Variants in CFAP46 observed in about 807,000 individuals in gnomAD.
CFAP46 encodes cilia- and flagella-associated protein 46.
Under a neutral mutation model 325.7 loss-of-function variants are expected in CFAP46, and 245 were observed. The ratio of observed to expected loss-of-function variants is 0.75; its 90% CI spans 0.68 to 0.84. CFAP46 has a LOEUF of 0.84. Among genes scored for constraint, CFAP46 ranks in the 40% least tolerant of loss-of-function variants. CFAP46 has a pLI of 0.00. For missense variants in CFAP46, 3,346 were observed against 3,543.0 expected (o/e 0.94, Z 1.41); for synonymous variants, 1,523 against 1,495.9 (o/e 1.02, Z -0.42).
rs1207667447 is a variant in CFAP46, at chr10:132,889,885, A to C, written c.3304+2448T>G. Among the ~76,000 whole-genome samples, 1 of 152,212 alleles carries C rather than the reference A, an allele frequency of 6.6e-6. No individual in the cohort carries two copies. Among genetic ancestry groups the C allele is most frequent in the African/African-American group, 2.4e-5 (1 of 41,456 alleles). On this transcript the variant is annotated intron_variant, in intron 25 of 57. Transcript: ENST00000368586. The surrounding 1 kb of genome is among the most constrained non-coding windows in gnomAD (Gnocchi z 6.0). Reference sequence around the variant, plus strand: ...AAAGTATTGATGCGGCCTGGACGCTAAGCATTTAGCTGCCAGACGTGGTGT... The same window carrying C: ...AAAGTATTGATGCGGCCTGGACGCTCAGCATTTAGCTGCCAGACGTGGTGT...
Position 132,860,766 on chromosome 10 carries a change from T to C in CFAP46, c.5091+16A>G, listed in dbSNP as rs1848710265. 1 of 1,549,516 alleles carries C rather than the reference T, an allele frequency of 6.5e-7. No individual in the cohort carries two copies. The highest frequency in any genetic ancestry group is 8.7e-7 in the Non-Finnish European group (1 of 1,146,452). On this transcript the variant is annotated intron_variant, in intron 36 of 57. Coordinates refer to ENST00000368586, the MANE Select transcript of CFAP46 (RefSeq NM_001200049.3). ...CCGGCACCCGACATGCAGCCCCAGG[T>C]CCCCGTGCCTCTTACCGTAGCTTCC...
chr10:132,917,475 G>C (rs982079353), intron 16 of CFAP46, among the ~76,000 whole-genome samples: 1 of 152,230 alleles, frequency 6.6e-6, no homozygotes, highest in African/African-American at 2.4e-5. Flanking sequence ...CTGAGCCTGC[G>C]TGGGAGGAAC....
chr10:132,909,942 GC>G lies in CFAP46; in HGVS notation c.2625del (p.Pro876HisfsTer17). ...ACCTGCTCCTCGGTGCCCAGCCGTG[GC>G]CCAATCTGCTGCTGCAGCAGCTGCT... Reference protein sequence around the residue: ...KAKQLLQQQIGPRLGTEEQGT... With the variant: ...KAKQLLQQQIXPRLGTEEQGT... On this transcript the variant is annotated frameshift_variant, in exon 20 of 58. Transcript: ENST00000368586. LOFTEE classifies it high-confidence loss of function. 1 of 1,517,340 alleles carries G rather than the reference GC, an allele frequency of 6.6e-7. No individual in the cohort carries two copies. The highest frequency in any genetic ancestry group is 8.8e-7 in the Non-Finnish European group (1 of 1,133,804). 94.0% of individuals were successfully genotyped at this position (1,517,340 alleles called of 1,614,324 possible). A position where few individuals can be genotyped will look rare whatever the true frequency, so the allele number is the denominator to read the frequency against.
At chr10:132,845,192 C>A (rs1466785874) in intron 44 of CFAP46, among the ~76,000 whole-genome samples, 1 of 152,252 alleles carries the variant, frequency 6.6e-6, no homozygotes, top group African/African-American at 2.4e-5. Flanking sequence ...CCACCTTCTC[C>A]TGTCCTCGGG....
intron 29 of CFAP46, 64 bp downstream of exon 29, chr10:132,879,362 T>C (rs917091400): frequency 1.0e-4 from 148 of 1,413,730 alleles, no homozygotes; most frequent in Non-Finnish European, 1.3e-4. Flanking sequence ...CACTGCGGTT[T>C]CCCCAGCCCG....
At chr10:132,899,228 G>A (rs775174177) in intron 23 of CFAP46, 107 bp from the exon 24 acceptor site, 17 of 1,240,036 alleles carry the variant, frequency 1.4e-5, no homozygotes, top group South Asian at 3.1e-5. Context: ...CCACACGCTC[G>A]CTCCCTCCTG....
rs1286401662 is a variant in CFAP46, at chr10:132,918,417, C to T, written c.1962G>A (p.Ala654=). 3.9e-6 allele frequency: 6 copies of T among 1,549,232 alleles called. No individual in the cohort carries two copies. The highest frequency in any genetic ancestry group is 1.7e-4 in the Middle Eastern group (1 of 5,958). ...CCTCAGCATGGATGAACCCCACCTC[C>T]GCGAACTTCCGCAGCAGGTCGGGGC... ...QVCPDLLRKF[A]EVGFIHAEAT... The change falls in exon 16 of 58, where the codon GCG becomes GCA. Residue 654 remains alanine (A), a synonymous_variant. Coordinates refer to ENST00000368586, the MANE Select transcript of CFAP46 (RefSeq NM_001200049.3).
chr10:132,817,054 T>C lies in CFAP46; in HGVS notation c.7118-2140A>G, dbSNP rs1847709069. Among the ~76,000 whole-genome samples the C allele has an allele frequency of 6.6e-6, 1 of 152,192 alleles. No individual in the cohort carries two copies. Among genetic ancestry groups the C allele is most frequent in the African/African-American group, 2.4e-5 (1 of 41,446 alleles). ...TGTTAATTATGTCGCCCTGAATCTCTCTCTTTTTGCTCTTTGTCTGGACCG... is the reference window on the plus strand; with the variant it reads ...TGTTAATTATGTCGCCCTGAATCTCCCTCTTTTTGCTCTTTGTCTGGACCG... On this transcript the variant is annotated intron_variant, in intron 50 of 57. Transcript: ENST00000368586. The surrounding 1 kb of genome is among the most constrained non-coding windows in gnomAD (Gnocchi z 4.4).
At chr10:132,906,479 T>C (rs1044427977) in intron 22 of CFAP46, among the ~76,000 whole-genome samples, 18 of 146,696 alleles carry the variant, frequency 1.2e-4, no homozygotes, top group South Asian at 2.2e-4. Context: ...TCCTGGGCAC[T>C]GAGAAGAGTG....
In CFAP46 at chr10:132,833,495, ATCTTATCGGCAACCT is replaced by A. The variant is rs1472140669; in HGVS notation, c.6965_6979del (p.Glu2322_Ile2327delinsVal). The A allele has an allele frequency of 6.2e-7, 1 of 1,614,046 alleles. No homozygotes were observed. The highest frequency in any genetic ancestry group is 8.5e-7 in the Non-Finnish European group (1 of 1,179,974). On this transcript the variant is annotated inframe_deletion, in exon 50 of 58. Transcript: ENST00000368586. Reference sequence around the variant, plus strand: ...GAGATGTCTGTCTGCGACCAGGACTATCTTATCGGCAACCTCAGGCTGGACTGTGCCTGGGAAACA... The same window carrying A: ...GAGATGTCTGTCTGCGACCAGGACTACAGGCTGGACTGTGCCTGGGAAACA...
rs567441203 is a variant in CFAP46 at position 132,877,277 on chromosome 10, G to C, written c.4213-316C>G. ...TGACAGCTGGCTGGTGAGCTCAGCA[G>C]TGCTCGTGCTGGGGTCCGGGTGTGA... On this transcript the variant is annotated intron_variant, in intron 30 of 57. Coordinates refer to ENST00000368586, the MANE Select transcript of CFAP46 (RefSeq NM_001200049.3). This position sits in a 1 kb window ranked among gnomAD's most constrained non-coding sequence, Gnocchi z 5.7. 4.5e-4 allele frequency among the ~76,000 whole-genome samples: 69 copies of C among 152,238 alleles called. No individual in the cohort carries two copies. Among genetic ancestry groups the C allele is most frequent in the African/African-American group, 1.6e-3 (66 of 41,564 alleles).
rs569587600 is a variant in CFAP46, at chr10:132,877,787, G to A, written c.4212+94C>T. ...CGGGCCCGGCCTCTGCACTGAGGCC[G>A]CCTGGGGCTCCTCCGAGAACCCTGA... On this transcript the variant is annotated intron_variant, in intron 30 of 57. Transcript: ENST00000368586. This position sits in a 1 kb window ranked among gnomAD's most constrained non-coding sequence, Gnocchi z 5.7. The A allele has an allele frequency of 4.3e-5, 59 of 1,372,348 alleles. No homozygotes were observed. The highest frequency in any genetic ancestry group is 1.3e-4 in the Admixed American group (6 of 47,582). The allele number at this position is 1,372,348 out of a possible 1,614,324, so 85.0% of individuals were successfully genotyped here.
intron 27 of CFAP46, among the ~76,000 whole-genome samples, chr10:132,881,970 G>T (rs1849049735): frequency 6.6e-6 from 1 of 151,986 alleles, no homozygotes; most frequent in Admixed American, 6.6e-5. Context: ...GATGTGGGGT[G>T]TGTGTGGTCT....
intron 17 of CFAP46, among the ~76,000 whole-genome samples, chr10:132,913,968 C>T (rs1849599202): frequency 6.6e-6 from 1 of 152,178 alleles, no homozygotes; most frequent in African/African-American, 2.4e-5. Context: ...GTTCCCGTGG[C>T]CACGAGTGCT....
chr10:132,840,735 C>G lies in CFAP46; in HGVS notation c.6439-3821G>C, dbSNP rs142110330. Among the ~76,000 whole-genome samples, 664 of 152,236 alleles carry G rather than the reference C, an allele frequency of 4.4e-3. 7 individuals carry two copies. The highest frequency in any genetic ancestry group is 0.015 in the African/African-American group (612 of 41,532). On this transcript the variant is annotated intron_variant, in intron 44 of 57. Coordinates refer to ENST00000368586, the MANE Select transcript of CFAP46 (RefSeq NM_001200049.3). The stretch of plus-strand genomic sequence containing the variant: ...AAGTAACTGTTTAATTTCAAGGTGC[C>G]CGTGTTTCTCACAGGTCCATTTTTG...
chr10:132,835,254 T>C (rs1456301548), intron 47 of CFAP46, 50 bp downstream of exon 47: 1 of 1,592,946 alleles, frequency 6.3e-7, no homozygotes. Flanking sequence ...CTCCCAGGGG[T>C]GGGGAGCAGA....
chr10:132,814,451 G>A, intron 53 of CFAP46, 126 bp downstream of exon 53: 1 of 1,254,988 alleles, frequency 8.0e-7, no homozygotes, highest in South Asian at 1.3e-5. Flanking sequence ...AGCCAAAATG[G>A]GGCAAGCACA....
At position 132,929,693 on chromosome 10, in the gene CFAP46, G is replaced by C; in HGVS notation, c.966+12C>G. 6.2e-7 allele frequency: 1 copy of C among 1,611,078 alleles called. No individual in the cohort carries two copies. Among genetic ancestry groups the C allele is most frequent in the Middle Eastern group, 1.7e-4 (1 of 6,058 alleles). ...CCTCATCCCCAGGCAGCAGTGTCAT[G>C]AAGCCACTTACTTTGCTTTCCATCT... On this transcript the variant is annotated intron_variant, in intron 9 of 57. Transcript: ENST00000368586.
At chr10:132,873,677 G>A (rs905604370) in intron 31 of CFAP46, among the ~76,000 whole-genome samples, 11 of 152,204 alleles carry the variant, frequency 7.2e-5, no homozygotes, top group Non-Finnish European at 1.3e-4. Context: ...CTAGGAGGAG[G>A]CCGTCCCCTC....
Sources: allele counts gnomAD v4.1 joint callset (sites outside exome capture counted in the v4.1 genomes callset), GRCh38; gene constraint gnomAD v4.1.1; non-coding constraint Gnocchi (gnomAD v3.1); transcripts MANE v1.5; gene names NCBI Gene and HGNC (gene_info 2026-07-23, HGNC 2026-07-21).